Variants in RUNX2 observed in about 807,000 individuals in gnomAD.
The protein encoded by RUNX2 is RUNX family transcription factor 2.
Under a neutral mutation model 51.7 loss-of-function variants are expected in RUNX2, and 10 were observed. The ratio of observed to expected loss-of-function variants is 0.19; its 90% confidence interval spans 0.12 to 0.33. The LOEUF is 0.33. Ranked by LOEUF, RUNX2 falls within the 10% of genes least tolerant of loss-of-function variation. RUNX2 has a pLI of 1.00. For missense variants in RUNX2, 562 were observed against 691.3 expected, an observed-to-expected ratio of 0.81 and a Z score of 2.10; for synonymous variants, 276 against 273.6, an observed-to-expected ratio of 1.01 and a Z score of -0.09.
At position 45,411,988 on chromosome 6, in the gene RUNX2, T is replaced by C. The variant is rs1582083684; in HGVS notation, c.59-10605T>C. Among the ~76,000 whole-genome samples, 5 of 152,244 alleles carry C rather than the reference T, an allele frequency of 3.3e-5. No individual in the cohort carries two copies. In the South Asian group the frequency reaches 8.3e-4, roughly 25 times the overall value. On this transcript the variant is annotated intron_variant, in intron 2 of 8. Transcript: ENST00000647337. ...TAAGAATAATGTCACTCAATAGCAT[T>C]TTAGACTTGTTGATTATCTATGTAC...
chr6:45,393,967 C>A (rs1213102280), intron 2 of RUNX2, among the ~76,000 whole-genome samples: 1 of 149,468 alleles, frequency 6.7e-6, no homozygotes, highest in East Asian at 2.0e-4. Flanking sequence ...TCTGCCCAGG[C>A]GTGATCTCGG....
chr6:45,357,137 G>A (rs1793358728), intron 2 of RUNX2, among the ~76,000 whole-genome samples: 1 of 152,090 alleles, frequency 6.6e-6, no homozygotes, highest in South Asian at 2.1e-4. Context: ...CTCCAGAGTA[G>A]CTGGGACTAC....
chr6:45,407,553 G>C (rs1797863980), intron 2 of RUNX2, among the ~76,000 whole-genome samples: 1 of 152,084 alleles, frequency 6.6e-6, no homozygotes, highest in Non-Finnish European at 1.5e-5. Flanking sequence ...GTGCAGTAGT[G>C]TGGTCATAGC....
intron 2 of RUNX2, among the ~76,000 whole-genome samples, chr6:45,342,408 C>G (rs899710147): frequency 2.0e-5 from 3 of 151,978 alleles, no homozygotes; most frequent in Admixed American, 1.3e-4. Context: ...ACTACAGGTG[C>G]GCACCACCAC....
At chr6:45,499,856 C>T (rs972224854) in intron 6 of RUNX2, among the ~76,000 whole-genome samples, 19 of 152,138 alleles carry the variant, frequency 1.2e-4, no homozygotes, top group Admixed American at 1.1e-3. Context: ...TGATTTTGTT[C>T]TCCTATTCTT....
intron 8 of RUNX2, among the ~76,000 whole-genome samples, chr6:45,546,569 T>C (rs890264523): frequency 6.6e-6 from 1 of 152,162 alleles, no homozygotes; most frequent in Admixed American, 6.5e-5. Flanking sequence ...GGTTTACACA[T>C]TGACCTGGCA....
At chr6:45,531,140 T>C (rs960546613) in intron 7 of RUNX2, among the ~76,000 whole-genome samples, 1 of 152,166 alleles carries the variant, frequency 6.6e-6, no homozygotes, top group African/African-American at 2.4e-5. Context: ...GTCTTTTAGC[T>C]CCACATAATA....
chr6:45,492,101 G>A lies in RUNX2; in HGVS notation c.846G>A (p.Gln282=), dbSNP rs1197968878. Residue 282 remains glutamine, a synonymous_variant, in exon 6 of 9, where the codon CAG becomes CAA. Transcript: ENST00000647337. ...SAPSPFNPQG[Q]SQITDPRQAQ... ...CAAGTCCTTTTAATCCACAAGGACA[G>A]AGTCAGATTACAGGTAAGACAGACT... 1 of 1,613,766 alleles carries A rather than the reference G, an allele frequency of 6.2e-7. No homozygotes were observed.
At chr6:45,396,957 G>C (rs1797593187) in intron 2 of RUNX2, among the ~76,000 whole-genome samples, 1 of 152,072 alleles carries the variant, frequency 6.6e-6, no homozygotes, top group African/African-American at 2.4e-5. Flanking sequence ...TATGAATAAT[G>C]CTGCTATAAA....
chr6:45,390,243 TG>T (rs147810129), intron 2 of RUNX2, among the ~76,000 whole-genome samples: 33,964 of 151,940 alleles, frequency 0.22, 4,513 homozygotes, highest in Non-Finnish European at 0.3. Flanking sequence ...CTCAGCATTT[TG>T]TTTTTTATGC....
At chr6:45,523,023 T>C (rs1801556035) in intron 7 of RUNX2, among the ~76,000 whole-genome samples, 2 of 152,200 alleles carry the variant, frequency 1.3e-5, no homozygotes, top group Non-Finnish European at 2.9e-5. Context: ...CATCCCCATA[T>C]GCATGAATCC....
rs113230441 is a variant in RUNX2 at position 45,388,939 on chromosome 6, C to T, written c.59-33654C>T. ...GCGACTCCCCCTATATAGCAATTCT[C>T]AAATTATGCTCCAGCACTGGTATCA... On this transcript the variant is annotated intron_variant, in intron 2 of 8. Transcript: ENST00000647337. 2.0e-5 allele frequency among the ~76,000 whole-genome samples: 3 copies of T among 152,286 alleles called. No individual in the cohort carries two copies. In the East Asian group the frequency reaches 5.8e-4, roughly 29 times the overall value.
At chr6:45,533,945 A>G (rs2150441569) in intron 7 of RUNX2, among the ~76,000 whole-genome samples, 1 of 130,780 alleles carries the variant, frequency 7.6e-6, no homozygotes, top group South Asian at 2.5e-4. Context: ...TCCAGGCTGG[A>G]GTGCAGTGGC....
intron 2 of RUNX2, among the ~76,000 whole-genome samples, chr6:45,386,901 C>T (rs912483163): frequency 2.0e-5 from 3 of 151,810 alleles, no homozygotes; most frequent in African/African-American, 7.3e-5. Flanking sequence ...AGATGGTGAG[C>T]CTTGGAATAA....
At chr6:45,335,340 CATTT>C (rs2150105291) in intron 2 of RUNX2, among the ~76,000 whole-genome samples, 2 of 151,210 alleles carry the variant, frequency 1.3e-5, no homozygotes, top group Non-Finnish European at 3.0e-5. Context: ...AGGATCATGA[CATTT>C]ATTTTACTAT....
intron 2 of RUNX2, among the ~76,000 whole-genome samples, chr6:45,369,111 T>C (rs779585493): frequency 1.3e-5 from 2 of 152,130 alleles, no homozygotes; most frequent in African/African-American, 2.4e-5. Flanking sequence ...CCATTTTAAG[T>C]GGACTTTGGA....
chr6:45,511,781 G>C (rs1178619252), intron 6 of RUNX2, among the ~76,000 whole-genome samples: 2 of 152,166 alleles, frequency 1.3e-5, no homozygotes, highest in Non-Finnish European at 2.9e-5. Flanking sequence ...TAAGTAGCTG[G>C]ATATGCAGCA....
intron 5 of RUNX2, among the ~76,000 whole-genome samples, chr6:45,461,762 T>G (rs960989216): frequency 2.0e-5 from 3 of 152,104 alleles, no homozygotes; most frequent in Admixed American, 1.3e-4. Flanking sequence ...ATTTTTTTTT[T>G]TTGTTTTTTG....
intron 2 of RUNX2, among the ~76,000 whole-genome samples, chr6:45,386,319 G>A (rs1797347888): frequency 1.3e-5 from 2 of 152,076 alleles, no homozygotes; most frequent in Non-Finnish European, 2.9e-5. Context: ...TGCCCACCTC[G>A]GCCTCCCAAA....
Sources: gnomAD v4.1 joint callset for allele counts (sites outside exome capture counted in the v4.1 genomes callset) on GRCh38, gnomAD v4.1.1 for gene constraint, MANE v1.5 for transcripts, NCBI Gene and HGNC (gene_info 2026-07-23, HGNC 2026-07-21) for gene names.